OSBPL10: variants seen among roughly 807,000 people sequenced by gnomAD.
The protein encoded by OSBPL10 is oxysterol binding protein like 10, also known as oxysterol-binding protein-related protein 10.
A neutral mutation model predicts 81.7 loss-of-function variants in OSBPL10; 49 were observed. The ratio of observed to expected loss-of-function variants is 0.60; its 90% CI spans 0.48 to 0.76. The LOEUF (loss-of-function observed/expected upper bound fraction) is 0.76. OSBPL10 is among the 30% of genes least tolerant of loss of function. The pLI, the probability that OSBPL10 is intolerant of heterozygous loss-of-function variation, is 0.00. For synonymous variants in OSBPL10, 419 were observed against 383.6 expected (o/e 1.09, Z -1.08); for missense variants, 923 against 987.8 (o/e 0.93, Z 0.88).
rs56002214 is a variant in OSBPL10 at position 31,949,667 on chromosome 3, C to CAAAAAAAAAA, written c.281+31222_281+31231dup. ...TGGGCAACAGAGCAAGACTCTGTCT[C>CAAAAAAAAAA]AAAAAAAAAAAAAAAAAAAAAAAAA... On this transcript the variant is annotated intron_variant, in intron 1 of 11. Coordinates refer to ENST00000396556, the MANE Select transcript of OSBPL10 (RefSeq NM_017784.5). Among the ~76,000 whole-genome samples the CAAAAAAAAAA allele has an allele frequency of 7.2e-4, 19 of 26,258 alleles. 3 individuals are homozygous for CAAAAAAAAAA. The highest frequency in any genetic ancestry group is 2.0e-3 in the African/African-American group (12 of 6,062). 17.2% of individuals were successfully genotyped at this position (26,258 alleles called of 152,430 possible).
intron 1 of OSBPL10, among the ~76,000 whole-genome samples, chr3:31,930,891 G>A (rs1697223151): frequency 6.6e-6 from 1 of 151,552 alleles, no homozygotes; most frequent in African/African-American, 2.4e-5. Context: ...GCAGGCACCT[G>A]TAGTCCCAGC....
intron 4 of OSBPL10, among the ~76,000 whole-genome samples, chr3:31,824,885 A>T (rs1700065655): frequency 6.6e-6 from 1 of 152,312 alleles, no homozygotes; most frequent in South Asian, 2.1e-4. Context: ...TTGTACGCTC[A>T]ACTGTTTCCT....
intron 4 of OSBPL10, among the ~76,000 whole-genome samples, chr3:31,766,329 G>GTTTT (rs148986285): frequency 1.8e-4 from 4 of 22,578 alleles, no homozygotes; most frequent in African/African-American, 3.1e-4. Flanking sequence ...TAGTTTTTTT[G>GTTTT]TTTTTTTGTT....
At chr3:31,807,568 T>G (rs1427128090) in intron 4 of OSBPL10, among the ~76,000 whole-genome samples, 1 of 132,002 alleles carries the variant, frequency 7.6e-6, no homozygotes, top group African/African-American at 3.0e-5. Flanking sequence ...AGACCACATC[T>G]CTACAAAAAA....
chr3:31,741,266 CT>C (rs1160200828), intron 5 of OSBPL10, among the ~76,000 whole-genome samples: 1 of 152,230 alleles, frequency 6.6e-6, no homozygotes. Flanking sequence ...TAACTGTTTT[CT>C]TTTATTTTTA....
chr3:31,886,809 A>G (rs1695749774), intron 1 of OSBPL10, among the ~76,000 whole-genome samples: 1 of 151,962 alleles, frequency 6.6e-6, no homozygotes, highest in Non-Finnish European at 1.5e-5. Context: ...GCATGGTGGC[A>G]TGCACCTGTA....
At chr3:31,662,837 C>G (rs1700099775) in intron 11 of OSBPL10, 1 of 985,332 alleles carries the variant, frequency 1.0e-6, no homozygotes, top group East Asian at 1.1e-4. Flanking sequence ...AAGCTACTAG[C>G]TCCCTCAAGA....
intron 2 of OSBPL10, among the ~76,000 whole-genome samples, chr3:31,876,942 C>T (rs752736401): frequency 1.4e-5 from 2 of 141,628 alleles, no homozygotes; most frequent in Non-Finnish European, 3.0e-5. Flanking sequence ...CTCGCTCTGT[C>T]GCCCAGGCTG....
chr3:32,057,520 A>G (rs1014967811), intron 1 of OSBPL10, among the ~76,000 whole-genome samples: 6 of 152,176 alleles, frequency 3.9e-5, no homozygotes, highest in Admixed American at 3.9e-4. Context: ...ATCATGGCAG[A>G]AGGCAAAGGG....
At chr3:31,758,104 T>C (rs1318559158) in intron 4 of OSBPL10, among the ~76,000 whole-genome samples, 1 of 152,216 alleles carries the variant, frequency 6.6e-6, no homozygotes, top group African/African-American at 2.4e-5. Context: ...GTACTTTTCC[T>C]GGATACCTCC....
At chr3:31,967,927 G>T (rs766207540) in intron 1 of OSBPL10, among the ~76,000 whole-genome samples, 1 of 152,088 alleles carries the variant, frequency 6.6e-6, no homozygotes, top group African/African-American at 2.4e-5. Flanking sequence ...TGCTCTATTC[G>T]GTGATTAAGT....
chr3:31,838,209 T>TA (rs1288041018), intron 3 of OSBPL10, among the ~76,000 whole-genome samples: 1 of 152,058 alleles, frequency 6.6e-6, no homozygotes, highest in African/African-American at 2.4e-5. Flanking sequence ...CCCTCCCCGC[T>TA]AAAAAAGCTC....
chr3:31,954,397 G>A lies in OSBPL10; in HGVS notation c.281+26502C>T, dbSNP rs1697952804. Among the ~76,000 whole-genome samples the A allele has an allele frequency of 1.3e-5, 2 of 152,216 alleles. 1 individual carries two copies. The highest frequency in any genetic ancestry group is 4.1e-4 in the South Asian group (2 of 4,826). On this transcript the variant is annotated intron_variant, in intron 1 of 11. Coordinates refer to ENST00000396556, the MANE Select transcript of OSBPL10 (RefSeq NM_017784.5). ...GGAGGGCTTCTGGTTCTTTCTACTT[G>A]CAGCAATCAGGCATAATTTTAAAGC...
At chr3:31,858,053 G>A (rs1700971698) in intron 3 of OSBPL10, among the ~76,000 whole-genome samples, 1 of 151,360 alleles carries the variant, frequency 6.6e-6, no homozygotes, top group African/African-American at 2.4e-5. Context: ...TGGAGTGCAG[G>A]GGCGTAATCA....
rs550675934 is a variant in OSBPL10, at chr3:31,811,368, C to CT, written c.729+18671dup. Among the ~76,000 whole-genome samples, 608 of 152,344 alleles carry CT rather than the reference C, an allele frequency of 4.0e-3. 12 individuals carry two copies. The highest frequency in any genetic ancestry group is 0.036 in the South Asian group (173 of 4,824). ...TCAGAACTCGCAGGACTCCTTGACT[C>CT]TAACACCCTCCGACTGTGCCCCATG... is the stretch of plus-strand genomic sequence containing the variant. On this transcript the variant is annotated intron_variant, in intron 4 of 11. Transcript: ENST00000396556.
intron 3 of OSBPL10, among the ~76,000 whole-genome samples, chr3:31,871,864 ACACACACACACACATG>A (rs1701335563): frequency 6.7e-6 from 1 of 150,192 alleles, no homozygotes; most frequent in Admixed American, 6.6e-5. Flanking sequence ...CTGTCTCAAA[ACACACACACACACATG>A]CACACGCACA....
At chr3:31,966,848 G>T (rs1260105884) in intron 1 of OSBPL10, among the ~76,000 whole-genome samples, 1 of 152,132 alleles carries the variant, frequency 6.6e-6, no homozygotes, top group East Asian at 1.9e-4. Flanking sequence ...ATGAAAAGCT[G>T]TTCAGTGTCA....
At chr3:31,851,008 C>T (rs1700752379) in intron 3 of OSBPL10, among the ~76,000 whole-genome samples, 1 of 152,174 alleles carries the variant, frequency 6.6e-6, no homozygotes, top group African/African-American at 2.4e-5. Flanking sequence ...CAACATGACA[C>T]TGGCTTCAAA....
chr3:31,958,569 T>C (rs1476941372), intron 1 of OSBPL10, among the ~76,000 whole-genome samples: 1 of 152,164 alleles, frequency 6.6e-6, no homozygotes. Context: ...GGGCCCATTT[T>C]TTTCCCAAAA....
Sources: allele counts gnomAD v4.1 joint callset (sites outside exome capture counted in the v4.1 genomes callset), GRCh38; gene constraint gnomAD v4.1.1; transcripts MANE v1.5; gene names NCBI Gene and HGNC (gene_info 2026-07-23, HGNC 2026-07-21).